ERBB4: variants seen among roughly 807,000 people sequenced by gnomAD.
The protein encoded by ERBB4 is erb-b2 receptor tyrosine kinase 4.
ERBB4 carries 42 observed loss-of-function variants against 158.0 expected under a neutral mutation model. The ratio of observed to expected loss-of-function variants is 0.27; its 90% CI spans 0.21 to 0.34. ERBB4 has a LOEUF of 0.34. Ranked by LOEUF, ERBB4 falls within the 10% of genes least tolerant of loss-of-function variation. The probability of loss-of-function intolerance (pLI) is 1.00; values close to 1 mark genes in which losing one functional copy is unlikely to be tolerated. For missense variants in ERBB4, 1,333 were observed against 1,624.1 expected (o/e 0.82, Z 3.08); for synonymous variants, 583 against 558.7 (o/e 1.04, Z -0.61).
rs561192642 is a variant in ERBB4 at position 211,578,681 on chromosome 2, C to A, written c.2302-16593G>T. ...TACAGTCATCTGATTTTTTAAACAG[C>A]TGACAACAAGAAGCAATGGGGAAAG... On this transcript the variant is annotated intron_variant, in intron 19 of 27. Transcript: ENST00000342788. 2.6e-5 allele frequency among the ~76,000 whole-genome samples: 4 copies of A among 152,218 alleles called. No individual in the cohort carries two copies. The East Asian group carries it at 7.7e-4, about 29-fold the overall frequency.
intron 26 of ERBB4, 62 bp from the exon 27 acceptor site, chr2:211,387,212 G>T: frequency 7.9e-7 from 1 of 1,264,140 alleles, no homozygotes; most frequent in Non-Finnish European, 1.2e-6. Flanking sequence ...AAAAATGAAT[G>T]TTAATAGCCA....
chr2:212,294,381 AGG>A (rs2086331373), intron 1 of ERBB4, among the ~76,000 whole-genome samples: 1 of 151,994 alleles, frequency 6.6e-6, no homozygotes, highest in Non-Finnish European at 1.5e-5. Flanking sequence ...ATATTCAAAG[AGG>A]GATTTTATTT....
At chr2:211,412,524 T>G (rs1372431127) in intron 25 of ERBB4, among the ~76,000 whole-genome samples, 2 of 152,236 alleles carry the variant, frequency 1.3e-5, no homozygotes, top group East Asian at 3.9e-4. Context: ...TCTCAGAATA[T>G]TATCTCCTCA....
At chr2:211,427,684 T>C (rs2063658697) in intron 22 of ERBB4, among the ~76,000 whole-genome samples, 1 of 152,156 alleles carries the variant, frequency 6.6e-6, no homozygotes, top group African/African-American at 2.4e-5. Context: ...TTTTCTACTA[T>C]AGAACATAAA....
chr2:212,397,308 C>G (rs1443336899), intron 1 of ERBB4, among the ~76,000 whole-genome samples: 2 of 151,892 alleles, frequency 1.3e-5, no homozygotes, highest in Non-Finnish European at 2.9e-5. Context: ...AACCCACTCT[C>G]TACAAAAAAT....
At chr2:211,950,986 C>T (rs2080859869) in intron 2 of ERBB4, among the ~76,000 whole-genome samples, 1 of 152,006 alleles carries the variant, frequency 6.6e-6, no homozygotes, top group South Asian at 2.1e-4. Context: ...ATCATATGGT[C>T]TAAAAAGTAA....
At chr2:212,394,311 C>A (rs562435829) in intron 1 of ERBB4, among the ~76,000 whole-genome samples, 1 of 151,954 alleles carries the variant, frequency 6.6e-6, no homozygotes, top group Non-Finnish European at 1.5e-5. Flanking sequence ...AATGTGGCAT[C>A]AAAAATATTA....
intron 8 of ERBB4, 84 bp from the exon 9 acceptor site, chr2:211,712,260 G>C: frequency 7.7e-7 from 1 of 1,302,554 alleles, no homozygotes; most frequent in Non-Finnish European, 1.1e-6. Context: ...TAAAATAGCA[G>C]AGTATTTTTA....
intron 4 of ERBB4, chr2:211,778,678 G>T (rs2075956840): frequency 6.6e-6 from 1 of 152,212 alleles, no homozygotes; most frequent in Non-Finnish European, 1.5e-5. Flanking sequence ...CCTAGCACAT[G>T]CAGGAGCCTC....
chr2:212,489,366 TAAG>T lies in ERBB4; in HGVS notation c.82+49080_82+49082del, dbSNP rs906324870. On this transcript the variant is annotated intron_variant, in intron 1 of 27. Coordinates refer to ENST00000342788, the MANE Select transcript of ERBB4 (RefSeq NM_005235.3). The stretch of plus-strand genomic sequence containing the variant: ...AATTAAGACTGAAAACCTCACTAAA[TAAG>T]AAGGATACTTACCAAGAGAACCCTA... 9.9e-5 allele frequency among the ~76,000 whole-genome samples: 15 copies of T among 151,932 alleles called. 1 individual carries two copies. The highest frequency in any genetic ancestry group is 3.4e-4 in the African/African-American group (14 of 41,424).
chr2:211,734,482 C>T (rs890174423), intron 5 of ERBB4, among the ~76,000 whole-genome samples: 8 of 152,040 alleles, frequency 5.3e-5, no homozygotes, highest in African/African-American at 1.9e-4. Context: ...GAAGAATGTG[C>T]ATCTGTGGAC....
chr2:211,818,513 TA>T (rs953341876), intron 3 of ERBB4, among the ~76,000 whole-genome samples: 12 of 152,148 alleles, frequency 7.9e-5, no homozygotes, highest in Middle Eastern at 3.4e-3. Context: ...GGTATTCCAA[TA>T]AAAGAAACTA....
chr2:211,745,914 G>A (rs2106196318), intron 5 of ERBB4, among the ~76,000 whole-genome samples: 1 of 152,204 alleles, frequency 6.6e-6, no homozygotes, highest in Non-Finnish European at 1.5e-5. Context: ...ACTGTATCCA[G>A]GAAACAGTTG....
intron 5 of ERBB4, among the ~76,000 whole-genome samples, chr2:211,727,309 A>G (rs1194134569): frequency 6.6e-6 from 1 of 152,094 alleles, no homozygotes; most frequent in Non-Finnish European, 1.5e-5. Context: ...ATCAACTTAG[A>G]TATTTCTATG....
chr2:212,200,603 A>G (rs184708674), intron 1 of ERBB4, among the ~76,000 whole-genome samples: 7 of 152,300 alleles, frequency 4.6e-5, no homozygotes, highest in Admixed American at 4.6e-4. Flanking sequence ...GTGTTTCACC[A>G]CGTAAATATA....
At chr2:211,546,212 G>A (rs2125693041) in intron 20 of ERBB4, among the ~76,000 whole-genome samples, 1 of 151,878 alleles carries the variant, frequency 6.6e-6, no homozygotes, top group Admixed American at 6.6e-5. Flanking sequence ...TATTTCACTG[G>A]GTATTGTAGA....
intron 1 of ERBB4, among the ~76,000 whole-genome samples, chr2:212,488,311 C>A (rs1339225658): frequency 2.3e-5 from 3 of 133,240 alleles, no homozygotes; most frequent in East Asian, 3.9e-4. Flanking sequence ...TTCTAAGTTT[C>A]CTCGCTCCTC....
At chr2:211,494,071 C>T (rs911447066) in intron 20 of ERBB4, among the ~76,000 whole-genome samples, 6 of 152,144 alleles carry the variant, frequency 3.9e-5, no homozygotes, top group African/African-American at 9.6e-5. Context: ...GGTGCGATCT[C>T]GGCTCACTAC....
chr2:211,397,001 T>C (rs149927721), intron 25 of ERBB4, among the ~76,000 whole-genome samples: 4 of 152,294 alleles, frequency 2.6e-5, no homozygotes, highest in Non-Finnish European at 5.9e-5. Context: ...GTACAGCTAC[T>C]GACAGAACAA....
Sources: allele counts gnomAD v4.1 joint callset (sites outside exome capture counted in the v4.1 genomes callset), GRCh38; gene constraint gnomAD v4.1.1; transcripts MANE v1.5; gene names NCBI Gene and HGNC (gene_info 2026-07-23, HGNC 2026-07-21).